The following PABPC4L variants were observed in gnomAD, a reference collection of about 807,000 sequenced individuals.
PABPC4L encodes poly(A) binding protein cytoplasmic 4 like.
For synonymous variants in PABPC4L, 169 were observed against 164.1 expected, an observed-to-expected ratio of 1.03 and a Z score of -0.23; for missense variants, 452 against 451.4, an observed-to-expected ratio of 1.00 and a Z score of -0.01.
the PABPC4L span, among the ~76,000 whole-genome samples, chr4:133,972,295 C>G: frequency 6.6e-6 from 1 of 152,180 alleles, no homozygotes; most frequent in African/African-American, 2.4e-5. Flanking sequence ...AGTCCAGAAC[C>G]CAAACTATAT....
At chr4:134,108,103 A>G in the PABPC4L span, among the ~76,000 whole-genome samples, 1 of 151,622 alleles carries the variant, frequency 6.6e-6, no homozygotes, top group East Asian at 1.9e-4. Flanking sequence ...AAGATGGTCT[A>G]ACAATGTTAC....
chr4:134,034,069 C>T, the PABPC4L span, among the ~76,000 whole-genome samples: 13 of 152,004 alleles, frequency 8.6e-5, no homozygotes, highest in East Asian at 7.7e-4. Flanking sequence ...TCTCTTGTTA[C>T]GAGAGGTAAT....
At chr4:134,063,123 G>A in the PABPC4L span, among the ~76,000 whole-genome samples, 1 of 152,064 alleles carries the variant, frequency 6.6e-6, no homozygotes, top group Admixed American at 6.6e-5. Context: ...GTCAGACCAA[G>A]GTCCAGGAAA....
chr4:134,032,803 T>A, the PABPC4L span, among the ~76,000 whole-genome samples: 1 of 151,972 alleles, frequency 6.6e-6, no homozygotes, highest in African/African-American at 2.4e-5. Flanking sequence ...AAAAAAGTGA[T>A]TAGTTCTAAC....
chr4:134,103,176 T>A, the PABPC4L span, among the ~76,000 whole-genome samples: 1 of 151,548 alleles, frequency 6.6e-6, no homozygotes, highest in Non-Finnish European at 1.5e-5. Context: ...TATTCCATAT[T>A]TATATCCCTC....
chr4:134,059,813 G>A, the PABPC4L span, among the ~76,000 whole-genome samples: 1 of 151,956 alleles, frequency 6.6e-6, no homozygotes, highest in South Asian at 2.1e-4. Flanking sequence ...AGCCTCCAAC[G>A]AATCATCTCC....
downstream of PABPC4L, among the ~76,000 whole-genome samples, chr4:134,193,360 G>C (rs1729566700): frequency 6.6e-6 from 1 of 151,734 alleles, no homozygotes; most frequent in Admixed American, 6.6e-5. Context: ...AAGCAGAAAT[G>C]TGAAGAATGA....
the PABPC4L span, among the ~76,000 whole-genome samples, chr4:134,103,442 G>A: frequency 2.0e-5 from 3 of 151,558 alleles, no homozygotes; most frequent in Non-Finnish European, 3.0e-5. Context: ...CTCTCATCTC[G>A]TCTTGTAGAT....
At chr4:134,044,326 C>T in the PABPC4L span, among the ~76,000 whole-genome samples, 1 of 152,070 alleles carries the variant, frequency 6.6e-6, no homozygotes, top group Non-Finnish European at 1.5e-5. Flanking sequence ...TGCAGTGGCA[C>T]CATCTCGGCT....
the PABPC4L span, among the ~76,000 whole-genome samples, chr4:134,004,142 T>C: frequency 4.6e-5 from 7 of 151,598 alleles, no homozygotes; most frequent in African/African-American, 1.7e-4. Flanking sequence ...TAGACAAATA[T>C]GATTCTAACA....
At chr4:134,133,334 T>C in the PABPC4L span, among the ~76,000 whole-genome samples, 363 of 142,206 alleles carry the variant, frequency 2.6e-3, 2 homozygotes, top group East Asian at 8.4e-3. Flanking sequence ...TTTAATTTTA[T>C]ATAATATATA....
the PABPC4L span, among the ~76,000 whole-genome samples, chr4:134,169,871 A>AT: frequency 6.6e-6 from 1 of 151,980 alleles, no homozygotes; most frequent in Admixed American, 6.6e-5. Context: ...TTACTTTTTA[A>AT]TTTTTTTTAA....
chr4:133,973,694 A>C, the PABPC4L span, among the ~76,000 whole-genome samples: 2 of 152,128 alleles, frequency 1.3e-5, no homozygotes, highest in African/African-American at 4.8e-5. Flanking sequence ...TTTCTGGAAA[A>C]CACCACTCAG....
chr4:134,188,628 C>A, the PABPC4L span, among the ~76,000 whole-genome samples: 1 of 152,046 alleles, frequency 6.6e-6, no homozygotes, highest in South Asian at 2.1e-4. Flanking sequence ...TTTCTCTCAA[C>A]ACTTTAAATC....
chr4:134,139,938 C>T, the PABPC4L span, among the ~76,000 whole-genome samples: 1 of 151,730 alleles, frequency 6.6e-6, no homozygotes, highest in Non-Finnish European at 1.5e-5. Context: ...TATGGTGATG[C>T]ATTTAAACAG....
At chr4:134,168,249 C>T in the PABPC4L span, among the ~76,000 whole-genome samples, 1,276 of 151,770 alleles carry the variant, frequency 8.4e-3, 16 homozygotes, top group African/African-American at 0.029. Flanking sequence ...ACACAGCATG[C>T]CCAAATCTAT....
chr4:134,175,143 C>T, the PABPC4L span, among the ~76,000 whole-genome samples: 1 of 152,038 alleles, frequency 6.6e-6, no homozygotes, highest in East Asian at 1.9e-4. Flanking sequence ...TAATTCCACG[C>T]ATATCCATGT....
chr4:134,075,763 C>T, the PABPC4L span, among the ~76,000 whole-genome samples: 1 of 151,636 alleles, frequency 6.6e-6, no homozygotes, highest in African/African-American at 2.4e-5. Flanking sequence ...TTACTTGCTT[C>T]TTATTCTTAC....
chr4:134,039,727 G>T, the PABPC4L span, among the ~76,000 whole-genome samples: 1 of 151,962 alleles, frequency 6.6e-6, no homozygotes, highest in Non-Finnish European at 1.5e-5. Context: ...TTGCATGTGA[G>T]ATGGGTCTCC....
Sources: gnomAD v4.1 joint callset for allele counts (sites outside exome capture counted in the v4.1 genomes callset) on GRCh38, gnomAD v4.1.1 for gene constraint, MANE v1.5 for transcripts, NCBI Gene and HGNC (gene_info 2026-07-23, HGNC 2026-07-21) for gene names.